Variants in MATCAP2 observed in about 807,000 individuals in gnomAD.
The protein encoded by MATCAP2 is putative tyrosine carboxypeptidase MATCAP2.
chr7:36,324,466 A>T, the MATCAP2 span: 723 of 152,346 alleles, frequency 4.7e-3, 5 homozygotes, highest in African/African-American at 0.017. Context: ...AAAACTAATG[A>T]AATTCTAATC....
At chr7:36,363,416 A>AT in the MATCAP2 span, among the ~76,000 whole-genome samples, 1 of 152,226 alleles carries the variant, frequency 6.6e-6, no homozygotes, top group Non-Finnish European at 1.5e-5. Flanking sequence ...AATGAACTAG[A>AT]TGCGTTCTAT....
At chr7:36,349,338 A>C in the MATCAP2 span, among the ~76,000 whole-genome samples, 25 of 152,204 alleles carry the variant, frequency 1.6e-4, no homozygotes, top group Admixed American at 5.9e-4. Flanking sequence ...AAACAGACCA[A>C]AATATTTCAA....
the MATCAP2 span, among the ~76,000 whole-genome samples, chr7:36,386,439 A>ATGTGTGTGTGTG: frequency 8.0e-6 from 1 of 124,294 alleles, no homozygotes; most frequent in Non-Finnish European, 1.7e-5. Flanking sequence ...GTGTATGTGT[A>ATGTGTGTGTGTG]TGTGTGTATG....
chr7:36,354,184 A>G, the MATCAP2 span, among the ~76,000 whole-genome samples: 1 of 152,222 alleles, frequency 6.6e-6, no homozygotes, highest in Non-Finnish European at 1.5e-5. Flanking sequence ...GGCTACACCT[A>G]GAGTTATATT....
chr7:36,347,579 T>A, the MATCAP2 span, among the ~76,000 whole-genome samples: 1 of 152,140 alleles, frequency 6.6e-6, no homozygotes, highest in Admixed American at 6.6e-5. Flanking sequence ...AAAAGGGAGA[T>A]TAAAATCTCT....
At chr7:36,366,898 G>C in the MATCAP2 span, 2 of 1,467,984 alleles carry the variant, frequency 1.4e-6, no homozygotes, top group Non-Finnish European at 1.8e-6. Flanking sequence ...GCCGCGGCCA[G>C]CCCTTCCCGG....
At chr7:36,364,074 A>G in the MATCAP2 span, among the ~76,000 whole-genome samples, 1 of 144,942 alleles carries the variant, frequency 6.9e-6, no homozygotes. Context: ...CGGAAGCTAA[A>G]GTAGAATCTT....
chr7:36,357,632 AT>A, the MATCAP2 span: 1 of 1,435,992 alleles, frequency 7.0e-7, no homozygotes, highest in Non-Finnish European at 9.5e-7. Flanking sequence ...AATAACAAAG[AT>A]ACCAGATGAA....
chr7:36,370,476 A>G, the MATCAP2 span, among the ~76,000 whole-genome samples: 1 of 151,864 alleles, frequency 6.6e-6, no homozygotes, highest in Non-Finnish European at 1.5e-5. Context: ...TTTTATTTTT[A>G]TTTATTTATT....
At chr7:36,380,226 G>A in the MATCAP2 span, among the ~76,000 whole-genome samples, 1 of 152,186 alleles carries the variant, frequency 6.6e-6, no homozygotes, top group East Asian at 1.9e-4. Flanking sequence ...TGAACAGCAG[G>A]TGATTGGGTT....
chr7:36,382,066 G>A, the MATCAP2 span, among the ~76,000 whole-genome samples: 1 of 151,912 alleles, frequency 6.6e-6, no homozygotes, highest in African/African-American at 2.4e-5. Flanking sequence ...GCCGAGGTGG[G>A]CAGATCACCT....
chr7:36,360,654 T>C, the MATCAP2 span, among the ~76,000 whole-genome samples: 2 of 152,210 alleles, frequency 1.3e-5, no homozygotes, highest in Admixed American at 1.3e-4. Flanking sequence ...GTATTTCAGT[T>C]ACATTAAAAA....
chr7:36,387,536 T>C, the MATCAP2 span, among the ~76,000 whole-genome samples: 1 of 152,172 alleles, frequency 6.6e-6, no homozygotes. Context: ...GGAGGTATAG[T>C]AGGAGACAAT....
chr7:36,331,070 C>G, the MATCAP2 span: 1 of 1,607,274 alleles, frequency 6.2e-7, no homozygotes, highest in Non-Finnish European at 8.5e-7. Flanking sequence ...CTGGTCTTTA[C>G]TAAAACACCC....
the MATCAP2 span, among the ~76,000 whole-genome samples, chr7:36,337,098 C>CAAAAAAAAAAA: frequency 0.09 from 1,670 of 18,514 alleles, 560 homozygotes; most frequent in South Asian, 0.1. Context: ...AACTCCATCT[C>CAAAAAAAAAAA]AAAAAAAAAA....
the MATCAP2 span, chr7:36,355,564 C>T: frequency 6.6e-6 from 1 of 152,168 alleles, no homozygotes; most frequent in African/African-American, 2.4e-5. Flanking sequence ...TTAATCTTTA[C>T]ATAATGGCTT....
At chr7:36,379,282 A>T in the MATCAP2 span, among the ~76,000 whole-genome samples, 2,378 of 152,308 alleles carry the variant, frequency 0.016, 125 homozygotes, top group Admixed American at 0.11. Context: ...GGCTGATGAG[A>T]TCACCTGGGG....
At chr7:36,358,404 T>C in the MATCAP2 span, among the ~76,000 whole-genome samples, 1 of 152,224 alleles carries the variant, frequency 6.6e-6, no homozygotes, top group African/African-American at 2.4e-5. Context: ...TCTTCAAGCA[T>C]GTTTTAGTAA....
the MATCAP2 span, chr7:36,325,549 T>C: frequency 6.6e-6 from 1 of 152,194 alleles, no homozygotes; most frequent in African/African-American, 2.4e-5. Context: ...AGATAAACTC[T>C]CAGACAGCTT....
Sources: gnomAD v4.1 joint callset for allele counts (sites outside exome capture counted in the v4.1 genomes callset) on GRCh38, gnomAD v4.1.1 for gene constraint, MANE v1.5 for transcripts, NCBI Gene and HGNC (gene_info 2026-07-23, HGNC 2026-07-21) for gene names.